The following GOLM2 variants were observed in gnomAD, a reference collection of about 807,000 sequenced individuals.
GOLM2 encodes the protein golgi membrane protein 2, also known as protein GOLM2.
In GOLM2, 26 loss-of-function variants were observed where a neutral mutation model predicts 55.9. The observed-to-expected ratio is 0.47, with a 90% CI of 0.34 to 0.65. GOLM2 has a LOEUF of 0.65. GOLM2 is among the 30% of genes least tolerant of loss of function. The pLI, the probability that GOLM2 is intolerant of heterozygous loss-of-function variation, is 0.01. For synonymous variants in GOLM2, 165 were observed against 194.6 expected (o/e 0.85, Z 1.27); for missense variants, 486 against 531.8 (o/e 0.91, Z 0.85).
At chr15:44,318,047 C>G (rs1329744554) in intron 1 of GOLM2, among the ~76,000 whole-genome samples, 1 of 152,208 alleles carries the variant, frequency 6.6e-6, no homozygotes, top group Non-Finnish European at 1.5e-5. Context: ...ATACTTTAGG[C>G]TTTGCAGGCC....
chr15:44,378,444 A>T (rs1301303049), intron 6 of GOLM2, among the ~76,000 whole-genome samples: 1 of 134,028 alleles, frequency 7.5e-6, no homozygotes, highest in Non-Finnish European at 1.6e-5. Context: ...TGCAACCTCC[A>T]CCTCCCAGGT....
chr15:44,407,106 C>T (rs980939503), intron 9 of GOLM2, among the ~76,000 whole-genome samples: 16 of 144,114 alleles, frequency 1.1e-4, no homozygotes, highest in Admixed American at 8.4e-4. Flanking sequence ...AAAATGTTTG[C>T]ATATTTATAA....
intron 1 of GOLM2, among the ~76,000 whole-genome samples, chr15:44,303,884 C>T (rs142876653): frequency 1.8e-4 from 28 of 151,862 alleles, no homozygotes; most frequent in Non-Finnish European, 3.5e-4. Context: ...TACAGACATG[C>T]ACCACCAGGC....
intron 8 of GOLM2, among the ~76,000 whole-genome samples, chr15:44,400,439 C>T (rs1464460127): frequency 1.3e-5 from 2 of 152,050 alleles, no homozygotes; most frequent in Admixed American, 6.6e-5. Flanking sequence ...CTGCCTCAGC[C>T]TCCCAAGTAG....
intron 4 of GOLM2, among the ~76,000 whole-genome samples, chr15:44,336,702 G>T (rs996610216): frequency 6.6e-6 from 1 of 151,790 alleles, no homozygotes; most frequent in African/African-American, 2.4e-5. Context: ...AGATGACGAG[G>T]TCAGGAGATC....
chr15:44,318,489 G>T (rs150431126), intron 1 of GOLM2, among the ~76,000 whole-genome samples: 1 of 152,162 alleles, frequency 6.6e-6, no homozygotes, highest in Non-Finnish European at 1.5e-5. Context: ...TGGGTGGATC[G>T]CCTGAAGTCA....
chr15:44,364,625 G>A (rs1459901815), intron 6 of GOLM2, among the ~76,000 whole-genome samples: 1 of 151,854 alleles, frequency 6.6e-6, no homozygotes, highest in African/African-American at 2.4e-5. Flanking sequence ...AGCCCAGAAA[G>A]CAGAGATTGC....
chr15:44,414,144 A>G lies in GOLM2; in HGVS notation c.*738A>G, dbSNP rs1220902893. ...AGCCACTGCGCCCAGTCTACACACT[A>G]ATTCTTGTTAGCCCAACAGCTGTTC... On this transcript the variant is annotated 3_prime_UTR_variant, in exon 10 of 10. Coordinates refer to ENST00000299957, the MANE Select transcript of GOLM2 (RefSeq NM_138423.4). 2 of 152,188 alleles carry G rather than the reference A, an allele frequency of 1.3e-5. No individual in the cohort carries two copies. Among genetic ancestry groups the G allele is most frequent in the Non-Finnish European group, 2.9e-5 (2 of 68,062 alleles). 9.4% of individuals were successfully genotyped at this position (152,188 alleles called of 1,614,324 possible).
At chr15:44,378,796 A>G (rs955511142) in intron 6 of GOLM2, among the ~76,000 whole-genome samples, 1 of 151,670 alleles carries the variant, frequency 6.6e-6, no homozygotes, top group South Asian at 2.1e-4. Flanking sequence ...CCCAGGTTGC[A>G]GTGCAATGGC....
At chr15:44,410,215 G>A (rs1176020777) in intron 9 of GOLM2, among the ~76,000 whole-genome samples, 3 of 152,092 alleles carry the variant, frequency 2.0e-5, no homozygotes, top group Non-Finnish European at 4.4e-5. Context: ...GAGGCGGGCG[G>A]ATTACGAGGT....
chr15:44,401,136 T>C (rs1363809047), intron 8 of GOLM2, among the ~76,000 whole-genome samples: 5 of 152,214 alleles, frequency 3.3e-5, no homozygotes, highest in Non-Finnish European at 5.9e-5. Context: ...TCTTCAGAGA[T>C]AGAGTCTTGC....
chr15:44,319,543 C>T (rs2078934932), intron 1 of GOLM2, among the ~76,000 whole-genome samples: 2 of 151,770 alleles, frequency 1.3e-5, no homozygotes, highest in Non-Finnish European at 2.9e-5. Flanking sequence ...TATGATACCC[C>T]ATAGTAATGT....
chr15:44,391,994 G>C (rs879793279), intron 8 of GOLM2, among the ~76,000 whole-genome samples: 52 of 152,048 alleles, frequency 3.4e-4, no homozygotes, highest in Admixed American at 1.3e-4. Flanking sequence ...GGGATTACAG[G>C]CACGTGCCAC....
rs965783383 is a variant in GOLM2 at position 44,289,701 on chromosome 15, G to A, written c.327+345G>A. 6.6e-6 allele frequency among the ~76,000 whole-genome samples: 1 copy of A among 152,188 alleles called. No individual in the cohort carries two copies. The highest frequency in any genetic ancestry group is 1.5e-5 in the Non-Finnish European group (1 of 68,040). ...GACACACAAATCTGGCGACTGCCAG[G>A]TTTGGTGTGGTTATTGTCTCATTTT... On this transcript the variant is annotated intron_variant, in intron 1 of 9. Transcript: ENST00000299957. This position sits in a 1 kb window ranked among gnomAD's most constrained non-coding sequence, Gnocchi z 4.8.
At chr15:44,379,638 T>TTTTA in intron 6 of GOLM2, 52 bp from the exon 7 acceptor site, 12 of 710,014 alleles carry the variant, frequency 1.7e-5, no homozygotes, top group Middle Eastern at 4.5e-4. Flanking sequence ...TTTTTTTTTT[T>TTTTA]AGAAATCATA....
At chr15:44,395,300 G>A (rs901882446) in intron 8 of GOLM2, among the ~76,000 whole-genome samples, 2 of 151,276 alleles carry the variant, frequency 1.3e-5, no homozygotes, top group Non-Finnish European at 2.9e-5. Context: ...GAGCCACTGC[G>A]CCCGGCCAAA....
At chr15:44,411,996 T>A (rs59261301) in intron 9 of GOLM2, among the ~76,000 whole-genome samples, 1,596 of 152,210 alleles carry the variant, frequency 0.01, 40 homozygotes, top group African/African-American at 0.037. Flanking sequence ...CAAAACCCTG[T>A]CTTTACAAAA....
intron 1 of GOLM2, among the ~76,000 whole-genome samples, chr15:44,296,853 G>C (rs2078759840): frequency 6.6e-6 from 1 of 152,182 alleles, no homozygotes; most frequent in Non-Finnish European, 1.5e-5. Context: ...GAGCTTGCCT[G>C]TTCTTCTGTA....
intron 1 of GOLM2, among the ~76,000 whole-genome samples, chr15:44,303,222 A>G (rs1435854660): frequency 6.6e-6 from 1 of 152,162 alleles, no homozygotes; most frequent in Admixed American, 6.5e-5. Flanking sequence ...TTGATGATTG[A>G]TTTAGCAATT....
Sources: allele counts gnomAD v4.1 joint callset (sites outside exome capture counted in the v4.1 genomes callset), GRCh38; gene constraint gnomAD v4.1.1; non-coding constraint Gnocchi (gnomAD v3.1); transcripts MANE v1.5; gene names NCBI Gene and HGNC (gene_info 2026-07-23, HGNC 2026-07-21).